Variants in ADAP1 observed in about 807,000 individuals in gnomAD.
ADAP1 encodes the protein arf-GAP with dual PH domain-containing protein 1.
In ADAP1, 31 loss-of-function variants were observed where a neutral mutation model predicts 54.9. The observed-to-expected ratio is 0.56, with a 90% CI of 0.42 to 0.76. ADAP1 has a LOEUF of 0.76. Ranked by LOEUF, ADAP1 falls within the 30% of genes least tolerant of loss-of-function variation. The pLI, the probability that ADAP1 is intolerant of heterozygous loss-of-function variation, is 0.00. For synonymous variants in ADAP1, 313 were observed against 202.6 expected (o/e 1.55, Z -4.63); for missense variants, 535 against 512.4 (o/e 1.04, Z -0.42).
chr7:907,350 T>A (rs949898224), intron 4 of ADAP1, among the ~76,000 whole-genome samples: 1 of 151,768 alleles, frequency 6.6e-6, no homozygotes, highest in Non-Finnish European at 1.5e-5. Flanking sequence ...GACGTGGCCG[T>A]GGAAACTGAG....
chr7:953,811 G>A (rs374071663), intron 1 of ADAP1, among the ~76,000 whole-genome samples: 94 of 152,350 alleles, frequency 6.2e-4, no homozygotes, highest in African/African-American at 2.1e-3. Context: ...CGGGCGGCGG[G>A]TGGACCAGGA....
At position 935,398 on chromosome 7, in the gene ADAP1, C is replaced by G. The variant is rs1280040888; in HGVS notation, c.190G>C (p.Ala64Pro). ...ACCTCCACTTGGGCCTCCTCCCAGGCGTCCAGGCGGACGGACTTCACCTTG... is the reference window on the plus strand; with the variant it reads ...ACCTCCACTTGGGCCTCCTCCCAGGGGTCCAGGCGGACGGACTTCACCTTG... ...VSKVKSVRLDAWEEAQVEFMA... is the reference protein window; with the variant it reads ...VSKVKSVRLDPWEEAQVEFMA... Residue 64 changes from alanine to proline, a missense_variant, in exon 2 of 11, where the codon GCC becomes CCC. By Grantham distance (27) the Ala-to-Pro change is conservative. Coordinates refer to ENST00000265846, the MANE Select transcript of ADAP1 (RefSeq NM_006869.4). The G allele has an allele frequency of 6.4e-7, 1 of 1,560,824 alleles. No individual in the cohort carries two copies. The highest frequency in any genetic ancestry group is 1.9e-5 in the Admixed American group (1 of 52,760).
At chr7:934,572 AGT>A (rs2128108577) in intron 2 of ADAP1, among the ~76,000 whole-genome samples, 1 of 152,188 alleles carries the variant, frequency 6.6e-6, no homozygotes, top group East Asian at 1.9e-4. Flanking sequence ...AAGTCCCACG[AGT>A]GGGGCTGGGG....
chr7:922,454 A>C (rs1343342192), intron 3 of ADAP1, among the ~76,000 whole-genome samples: 1 of 152,126 alleles, frequency 6.6e-6, no homozygotes, highest in Non-Finnish European at 1.5e-5. Context: ...TGAGCCCCAG[A>C]AGCCACTTCC....
intron 4 of ADAP1, among the ~76,000 whole-genome samples, chr7:913,793 G>C (rs935898379): frequency 1.3e-5 from 2 of 152,018 alleles, no homozygotes; most frequent in Non-Finnish European, 2.9e-5. Flanking sequence ...AAATTAGCCG[G>C]GCGTGGTGGG....
intron 5 of ADAP1, 75 bp from the exon 6 acceptor site, chr7:904,347 G>C (rs774502428): frequency 5.0e-5 from 75 of 1,505,306 alleles, no homozygotes; most frequent in Non-Finnish European, 6.5e-5. Context: ...GGCAGACCCT[G>C]TGGGTGCTGG....
At position 938,685 on chromosome 7, in the gene ADAP1, C is replaced by T. The variant is rs573505876; in HGVS notation, c.83-3180G>A. ...TCCGGGCCTCGGTCTCCTCATCTGTCGGATGGGACAGCACGAGCCACTTAC... is the reference window on the plus strand; with the variant it reads ...TCCGGGCCTCGGTCTCCTCATCTGTTGGATGGGACAGCACGAGCCACTTAC... On this transcript the variant is annotated intron_variant, in intron 1 of 10. Transcript: ENST00000265846. The surrounding 1 kb of genome is among the most constrained non-coding windows in gnomAD (Gnocchi z 4.4). 2.6e-4 allele frequency among the ~76,000 whole-genome samples: 40 copies of T among 152,284 alleles called. No individual in the cohort carries two copies. In the South Asian group the frequency reaches 5.2e-3, roughly 20 times the overall value.
chr7:899,497 G>A lies in ADAP1; in HGVS notation c.796-7C>T. ...TCCGGAAGCCTTCCGTTTGCTGTGG[G>A]TCAGAGAGGGCCCGTGACCGGCAGG... On this transcript the variant is annotated splice_region_variant and splice_polypyrimidine_tract_variant and intron_variant, in intron 8 of 10. Coordinates refer to ENST00000265846, the MANE Select transcript of ADAP1 (RefSeq NM_006869.4). 1 of 1,612,428 alleles carries A rather than the reference G, an allele frequency of 6.2e-7. No homozygotes were observed. Among genetic ancestry groups the A allele is most frequent in the Non-Finnish European group, 8.5e-7 (1 of 1,179,638 alleles).
At chr7:913,002 G>A (rs1845785618) in intron 4 of ADAP1, among the ~76,000 whole-genome samples, 1 of 151,180 alleles carries the variant, frequency 6.6e-6, no homozygotes, top group African/African-American at 2.5e-5. Flanking sequence ...GCGCCTCCAT[G>A]CCCAGCTAAT....
At chr7:902,970 C>A (rs1433652666) in intron 6 of ADAP1, among the ~76,000 whole-genome samples, 1 of 152,200 alleles carries the variant, frequency 6.6e-6, no homozygotes, top group Non-Finnish European at 1.5e-5. Flanking sequence ...GACCCCTTTC[C>A]CTCCAGGCAC....
chr7:947,508 C>A (rs960341850), intron 1 of ADAP1, among the ~76,000 whole-genome samples: 3 of 152,072 alleles, frequency 2.0e-5, no homozygotes, highest in Non-Finnish European at 4.4e-5. Flanking sequence ...GCAGGTCCCT[C>A]CCGTCTCCCT....
At position 926,870 on chromosome 7, in the gene ADAP1, G is replaced by A. The variant is rs1846408564; in HGVS notation, c.214-226C>T. The A allele has an allele frequency of 3.4e-6, 3 of 890,660 alleles. No homozygotes were observed. The highest frequency in any genetic ancestry group is 7.3e-4 in the Middle Eastern group (2 of 2,728). The allele number at this position is 890,660 out of a possible 1,614,324, so 55.2% of individuals were successfully genotyped here. On this transcript the variant is annotated intron_variant, in intron 2 of 10. Transcript: ENST00000265846. This position sits in a 1 kb window ranked among gnomAD's most constrained non-coding sequence, Gnocchi z 4.6. ...AGGAGCCAGCGTCCCTAACGACGGG[G>A]TCCCGGCAAAGGGGGCCCAGGGGCC... is the stretch of plus-strand genomic sequence containing the variant.
At chr7:930,941 C>G (rs1846554289) in intron 2 of ADAP1, among the ~76,000 whole-genome samples, 1 of 144,976 alleles carries the variant, frequency 6.9e-6, no homozygotes, top group Non-Finnish European at 1.5e-5. Flanking sequence ...GATAGTGCCA[C>G]TGCATTCCAG....
chr7:932,085 C>T (rs142197028), intron 2 of ADAP1, among the ~76,000 whole-genome samples: 174 of 152,342 alleles, frequency 1.1e-3, no homozygotes, highest in African/African-American at 3.9e-3. Flanking sequence ...AGACAAGCCC[C>T]CAGGCCTGCC....
In ADAP1 at chr7:918,737, G is replaced by A. The variant is rs187834885; in HGVS notation, c.388+1231C>T. On this transcript the variant is annotated intron_variant, in intron 4 of 10. Coordinates refer to ENST00000265846, the MANE Select transcript of ADAP1 (RefSeq NM_006869.4). ...TCCCTGTCGACACGGTGGAGAAAGG[G>A]GCACTCAGGAAGCTCCAGTGTGCAG... is the stretch of plus-strand genomic sequence containing the variant. Among the ~76,000 whole-genome samples the A allele has an allele frequency of 1.5e-3, 224 of 152,248 alleles. 1 individual carries two copies. The highest frequency in any genetic ancestry group is 2.0e-3 in the Non-Finnish European group (135 of 68,024).
rs151134913 is a variant in ADAP1 at position 904,943 on chromosome 7, C to CGG, written c.501+115_501+116dup. On this transcript the variant is annotated intron_variant, in intron 5 of 10. Coordinates refer to ENST00000265846, the MANE Select transcript of ADAP1 (RefSeq NM_006869.4). ...GCCGGTTCTCCTGGAGCGTCCCCAT[C>CGG]GGGGGGGGCAGCAGGGAGGGCAGCT... The CGG allele has an allele frequency of 8.1e-4, 692 of 854,020 alleles. 5 individuals are homozygous for CGG. In the African/African-American group the frequency reaches 9.5e-3, roughly 12 times the overall value. 52.9% of individuals were successfully genotyped at this position (854,020 alleles called of 1,614,324 possible).
At chr7:928,094 C>T (rs1478228675) in intron 2 of ADAP1, among the ~76,000 whole-genome samples, 1 of 151,106 alleles carries the variant, frequency 6.6e-6, no homozygotes, top group Non-Finnish European at 1.5e-5. Flanking sequence ...ATGGCGCACA[C>T]CTGTAGTCCC....
intron 2 of ADAP1, among the ~76,000 whole-genome samples, chr7:932,950 G>A (rs1846630038): frequency 6.6e-6 from 1 of 152,150 alleles, no homozygotes; most frequent in African/African-American, 2.4e-5. Flanking sequence ...GAGCACAAAG[G>A]TGCAATCACA....
intron 4 of ADAP1, among the ~76,000 whole-genome samples, chr7:915,229 A>ACCTGCACACCTCG (rs6149952): frequency 0.85 from 127,842 of 150,444 alleles, 54,597 homozygotes; most frequent in Middle Eastern, 0.92. Context: ...CTGCACTCAC[A>ACCTGCACACCTCG]CCTGCACACC....
Sources: gnomAD v4.1 joint callset for allele counts (sites outside exome capture counted in the v4.1 genomes callset) on GRCh38, gnomAD v4.1.1 for gene constraint, Gnocchi (gnomAD v3.1) non-coding constraint, MANE v1.5 for transcripts, NCBI Gene and HGNC (gene_info 2026-07-23, HGNC 2026-07-21) for gene names.